The following C3orf20 variants were observed in gnomAD, a reference collection of about 807,000 sequenced individuals.
The protein encoded by C3orf20 is uncharacterized protein C3orf20.
C3orf20 carries 76 observed loss-of-function variants against 88.3 expected under a neutral mutation model. The ratio of observed to expected loss-of-function variants is 0.86; its 90% confidence interval spans 0.72 to 1.04. C3orf20 has a LOEUF of 1.04. Among genes scored for constraint, C3orf20 ranks in the 50% least tolerant of loss-of-function variants. C3orf20 has a pLI of 0.00. For synonymous variants in C3orf20, 436 were observed against 437.4 expected (o/e 1.00, Z 0.04); for missense variants, 1,056 against 1,123.3 (o/e 0.94, Z 0.86).
chr3:14,699,971 G>T (rs919515521), intron 5 of C3orf20, among the ~76,000 whole-genome samples: 15 of 152,190 alleles, frequency 9.9e-5, no homozygotes, highest in Non-Finnish European at 2.9e-5. Context: ...AGGTCTAAAT[G>T]CTCCCTCCAT....
intron 15 of C3orf20, among the ~76,000 whole-genome samples, chr3:14,771,807 G>A (rs1472884830): frequency 6.6e-5 from 10 of 152,112 alleles, no homozygotes; most frequent in African/African-American, 1.9e-4. Flanking sequence ...CCGCCCCACC[G>A]CAGGCATTTG....
chr3:14,756,185 AT>A, intron 12 of C3orf20, among the ~76,000 whole-genome samples: 1 of 150,972 alleles, frequency 6.6e-6, no homozygotes, highest in Non-Finnish European at 1.5e-5. Context: ...CATGTTTAGC[AT>A]TTTACAGTAT....
At chr3:14,694,561 A>C (rs1474099882) in intron 5 of C3orf20, among the ~76,000 whole-genome samples, 1 of 151,918 alleles carries the variant, frequency 6.6e-6, no homozygotes, top group African/African-American at 2.4e-5. Context: ...GATTTTATTT[A>C]ATTGGGTCTT....
At position 14,682,574 on chromosome 3, in the gene C3orf20, A is replaced by G; in HGVS notation, c.-136-4A>G. ...CTAACTCTTTTCTTGTCCTTTCCGG[A>G]TAGGAACCACTGGCTCAATGACCTG... On this transcript the variant is annotated splice_polypyrimidine_tract_variant and splice_region_variant and intron_variant, in intron 2 of 16. Transcript: ENST00000253697. The G allele has an allele frequency of 1.7e-6, 2 of 1,150,434 alleles. No individual in the cohort carries two copies. The highest frequency in any genetic ancestry group is 1.2e-6 in the Non-Finnish European group (1 of 816,708). The allele number at this position is 1,150,434 out of a possible 1,614,324, so 71.3% of individuals were successfully genotyped here.
chr3:14,760,451 C>T (rs535297115), intron 14 of C3orf20, among the ~76,000 whole-genome samples: 8 of 152,272 alleles, frequency 5.3e-5, no homozygotes, highest in East Asian at 1.9e-4. Context: ...CAAGGGCCAC[C>T]ACATGCTAAC....
intron 7 of C3orf20, among the ~76,000 whole-genome samples, chr3:14,710,334 T>C (rs1335577223): frequency 6.6e-6 from 1 of 152,164 alleles, no homozygotes; most frequent in Non-Finnish European, 1.5e-5. Flanking sequence ...TTTTCTATTC[T>C]CAATTCTGTT....
chr3:14,746,479 ATTTAAT>A (rs1464443799), intron 12 of C3orf20, among the ~76,000 whole-genome samples: 1 of 152,156 alleles, frequency 6.6e-6, no homozygotes, highest in Non-Finnish European at 1.5e-5. Flanking sequence ...CTTGACTGTA[ATTTAAT>A]TGGTTATGAC....
chr3:14,755,390 TC>T (rs1389239039), intron 12 of C3orf20, among the ~76,000 whole-genome samples: 1 of 152,196 alleles, frequency 6.6e-6, no homozygotes, highest in Non-Finnish European at 1.5e-5. Flanking sequence ...TAGAATAATT[TC>T]CCCATATTTT....
chr3:14,771,787 C>T (rs897694947), intron 15 of C3orf20, among the ~76,000 whole-genome samples: 12 of 152,280 alleles, frequency 7.9e-5, no homozygotes, highest in African/African-American at 2.6e-4. Context: ...TGGTCACTTA[C>T]GGAGCCCTCC....
chr3:14,692,093 A>T (rs978732333), intron 5 of C3orf20, among the ~76,000 whole-genome samples: 1 of 152,146 alleles, frequency 6.6e-6, no homozygotes, highest in African/African-American at 2.4e-5. Flanking sequence ...TTTATGGCTG[A>T]CTAGTACTCC....
At chr3:14,705,532 A>G (rs1476820454) in intron 7 of C3orf20, among the ~76,000 whole-genome samples, 1 of 152,208 alleles carries the variant, frequency 6.6e-6, no homozygotes, top group African/African-American at 2.4e-5. Flanking sequence ...TTTAAAGTGA[A>G]GAGGAGTTTG....
intron 1 of C3orf20, among the ~76,000 whole-genome samples, chr3:14,678,133 C>T (rs755016960): frequency 1.2e-4 from 19 of 152,162 alleles, no homozygotes; most frequent in African/African-American, 1.9e-4. Flanking sequence ...AAGAGCTGTG[C>T]CCATCGCCTG....
At chr3:14,749,143 A>G (rs115382460) in intron 12 of C3orf20, among the ~76,000 whole-genome samples, 1,565 of 152,256 alleles carry the variant, frequency 0.01, 10 homozygotes, top group African/African-American at 0.02. Context: ...TTACATGTGT[A>G]TATGTTTGCA....
intron 13 of C3orf20, 43 bp from the exon 14 acceptor site, chr3:14,759,848 A>T: frequency 6.6e-7 from 1 of 1,523,498 alleles, no homozygotes; most frequent in Non-Finnish European, 9.1e-7. Flanking sequence ...GGTACATCTT[A>T]TTGGCATGGG....
intron 12 of C3orf20, among the ~76,000 whole-genome samples, chr3:14,741,093 G>A (rs1385783275): frequency 1.3e-5 from 2 of 152,176 alleles, no homozygotes; most frequent in African/African-American, 4.8e-5. Flanking sequence ...ATGTTCCTCT[G>A]GAGAGGACTT....
At chr3:14,705,825 T>TGA (rs1324507738) in intron 7 of C3orf20, among the ~76,000 whole-genome samples, 1 of 152,170 alleles carries the variant, frequency 6.6e-6, no homozygotes, top group Non-Finnish European at 1.5e-5. Flanking sequence ...ATCGGAAAAC[T>TGA]GAGACCCAAA....
At position 14,772,693 on chromosome 3, in the gene C3orf20, G is replaced by A. The variant is rs1331770543; in HGVS notation, c.2631-98G>A. ...GCACCCAACAGCCTCACCTGTGCAA[G>A]GGAGAGGGCCTTGCCCCTCCTGGCC... On this transcript the variant is annotated intron_variant, in intron 16 of 16. Coordinates refer to ENST00000253697, the MANE Select transcript of C3orf20 (RefSeq NM_032137.5). The surrounding 1 kb of genome is among the most constrained non-coding windows in gnomAD (Gnocchi z 4.2). The A allele has an allele frequency of 1.1e-6, 1 of 927,254 alleles. No homozygotes were observed. The highest frequency in any genetic ancestry group is 1.7e-6 in the Non-Finnish European group (1 of 578,514). 57.4% of individuals were successfully genotyped at this position (927,254 alleles called of 1,614,324 possible).
intron 9 of C3orf20, among the ~76,000 whole-genome samples, chr3:14,719,277 TG>T (rs1217306253): frequency 1.3e-5 from 2 of 152,184 alleles, no homozygotes; most frequent in African/African-American, 4.8e-5. Flanking sequence ...TTTGGTTGAC[TG>T]GAGAGAGACC....
At position 14,697,389 on chromosome 3, in the gene C3orf20, G is replaced by A. The variant is rs1429310669; in HGVS notation, c.746-5741G>A. 4.0e-5 allele frequency among the ~76,000 whole-genome samples: 6 copies of A among 151,534 alleles called. No homozygotes were observed. In the South Asian group the frequency reaches 1.3e-3, roughly 32 times the overall value. ...TATTCTTTTTTCTTTTGTCTCCTCTGCATTTCCAAAGAGGCCGTCTTCAAG... is the reference window on the plus strand; with the variant it reads ...TATTCTTTTTTCTTTTGTCTCCTCTACATTTCCAAAGAGGCCGTCTTCAAG... On this transcript the variant is annotated intron_variant, in intron 5 of 16. Coordinates refer to ENST00000253697, the MANE Select transcript of C3orf20 (RefSeq NM_032137.5).
Sources: gnomAD v4.1 joint callset for allele counts (sites outside exome capture counted in the v4.1 genomes callset) on GRCh38, gnomAD v4.1.1 for gene constraint, Gnocchi (gnomAD v3.1) non-coding constraint, MANE v1.5 for transcripts, NCBI Gene and HGNC (gene_info 2026-07-23, HGNC 2026-07-21) for gene names.